The following STXBP5L variants were observed in gnomAD, a reference collection of about 807,000 sequenced individuals.
STXBP5L encodes the protein syntaxin-binding protein 5-like.
STXBP5L carries 65 observed loss-of-function variants against 144.5 expected under a neutral mutation model. That is an observed-to-expected ratio of 0.45 (90% CI 0.37 to 0.55). The LOEUF (loss-of-function observed/expected upper bound fraction) is 0.55. Among genes scored for constraint, STXBP5L ranks in the 20% least tolerant of loss-of-function variants. The probability of loss-of-function intolerance (pLI) is 0.00; values close to 1 mark genes in which losing one functional copy is unlikely to be tolerated. For missense variants in STXBP5L, 1,298 were observed against 1,405.5 expected (o/e 0.92, Z 1.22); for synonymous variants, 505 against 469.6 (o/e 1.08, Z -0.97).
chr3:121,224,489 G>A (rs1451136132), intron 11 of STXBP5L, among the ~76,000 whole-genome samples: 3 of 152,112 alleles, frequency 2.0e-5, no homozygotes, highest in African/African-American at 7.2e-5. Context: ...TACAGATAAA[G>A]TATTAAACTA....
At chr3:121,114,128 A>G (rs1239226600) in intron 5 of STXBP5L, among the ~76,000 whole-genome samples, 2 of 152,166 alleles carry the variant, frequency 1.3e-5, no homozygotes, top group Non-Finnish European at 2.9e-5. Context: ...GATTAGGCCA[A>G]ACTAGAAGGA....
intron 3 of STXBP5L, among the ~76,000 whole-genome samples, chr3:121,019,055 T>C (rs1262635651): frequency 6.6e-6 from 1 of 152,194 alleles, no homozygotes; most frequent in African/African-American, 2.4e-5. Flanking sequence ...AAACTGGCCT[T>C]TCGGCTGCAG....
chr3:121,384,937 A>C (rs892861948), intron 22 of STXBP5L, among the ~76,000 whole-genome samples: 1 of 151,994 alleles, frequency 6.6e-6, no homozygotes, highest in African/African-American at 2.4e-5. Flanking sequence ...TTTCTACTTA[A>C]CTCTTTATGC....
intron 9 of STXBP5L, among the ~76,000 whole-genome samples, chr3:121,161,489 AC>A (rs1213923886): frequency 6.6e-5 from 10 of 151,750 alleles, no homozygotes; most frequent in Admixed American, 6.6e-4. Context: ...CAGCAATTTG[AC>A]TACTTTATGT....
intron 19 of STXBP5L, among the ~76,000 whole-genome samples, chr3:121,310,691 T>C (rs890616995): frequency 6.6e-6 from 1 of 151,540 alleles, no homozygotes; most frequent in Admixed American, 6.6e-5. Context: ...GGTAGACCAC[T>C]GGAGGTCAGG....
chr3:121,372,931 C>T (rs1014124507), intron 20 of STXBP5L, among the ~76,000 whole-genome samples: 2 of 152,142 alleles, frequency 1.3e-5, no homozygotes, highest in Non-Finnish European at 2.9e-5. Flanking sequence ...AAAATTAAAG[C>T]TATTTTTAAA....
At chr3:121,147,606 A>G (rs943860974) in intron 7 of STXBP5L, among the ~76,000 whole-genome samples, 1 of 152,172 alleles carries the variant, frequency 6.6e-6, no homozygotes, top group Non-Finnish European at 1.5e-5. Context: ...GATAACAATA[A>G]AGATATAATG....
chr3:121,419,085 G>C lies in STXBP5L; in HGVS notation c.3477G>C (p.Trp1159Cys). The C allele has an allele frequency of 1.9e-6, 3 of 1,610,220 alleles. No individual in the cohort carries two copies. The highest frequency in any genetic ancestry group is 2.5e-6 in the Non-Finnish European group (3 of 1,178,490). Residue 1159 changes from tryptophan (W) to cysteine (C), a missense_variant, in exon 27 of 27, where the codon TGG becomes TGC. By Grantham distance (215) the Trp-to-Cys change is radical. Transcript: ENST00000471454. ...ELMLKYKDKK[W>C]YQF ...TGCTGAAATACAAGGATAAGAAATG[G>C]TACCAATTCTGACTTCTAAAGAAGC...
intron 3 of STXBP5L, among the ~76,000 whole-genome samples, chr3:121,002,205 C>T (rs1387596112): frequency 6.6e-6 from 1 of 151,854 alleles, no homozygotes; most frequent in Non-Finnish European, 1.5e-5. Context: ...TTCACATTCT[C>T]ATCAACACTT....
At chr3:121,039,859 A>G (rs1347348274) in intron 3 of STXBP5L, among the ~76,000 whole-genome samples, 1 of 151,468 alleles carries the variant, frequency 6.6e-6, no homozygotes, top group Non-Finnish European at 1.5e-5. Context: ...TCTCTGTGTT[A>G]TATTTTGGGT....
At chr3:121,151,819 G>A (rs1309494318) in intron 7 of STXBP5L, among the ~76,000 whole-genome samples, 2 of 143,090 alleles carry the variant, frequency 1.4e-5, no homozygotes, top group Non-Finnish European at 3.2e-5. Flanking sequence ...AACAGCAAAA[G>A]TTATCAGTAT....
At chr3:120,909,504 T>G (rs185192339) in intron 1 of STXBP5L, 67 bp from the exon 2 acceptor site, 1 of 1,375,420 alleles carries the variant, frequency 7.3e-7, no homozygotes, top group Non-Finnish European at 9.9e-7. Flanking sequence ...AGAAAGGCTT[T>G]TACCAAGGTC....
At chr3:120,919,913 CCT>C (rs1709280312) in intron 2 of STXBP5L, among the ~76,000 whole-genome samples, 1 of 151,226 alleles carries the variant, frequency 6.6e-6, no homozygotes, top group South Asian at 2.1e-4. Flanking sequence ...TTTTTTGCTC[CCT>C]GTCTCTTTCT....
chr3:121,110,783 G>A (rs2043946777), intron 5 of STXBP5L, among the ~76,000 whole-genome samples: 1 of 152,136 alleles, frequency 6.6e-6, no homozygotes, highest in Non-Finnish European at 1.5e-5. Context: ...TCTCTTGCTA[G>A]GTTAGGGAAG....
chr3:121,277,507 C>T (rs2050922402), intron 18 of STXBP5L, among the ~76,000 whole-genome samples: 1 of 151,772 alleles, frequency 6.6e-6, no homozygotes, highest in Non-Finnish European at 1.5e-5. Context: ...CTTCCTTTGT[C>T]ACATTTGTAT....
intron 12 of STXBP5L, 62 bp from the exon 13 acceptor site, chr3:121,238,909 C>T (rs2049573066): frequency 7.1e-7 from 1 of 1,413,404 alleles, no homozygotes; most frequent in Non-Finnish European, 9.5e-7. Flanking sequence ...CTTACTTTAT[C>T]AAAATTATTT....
chr3:121,199,547 CT>C (rs2048056504), intron 9 of STXBP5L, among the ~76,000 whole-genome samples: 1 of 152,192 alleles, frequency 6.6e-6, no homozygotes, highest in Non-Finnish European at 1.5e-5. Context: ...AGACCGCATC[CT>C]TGTCTTGTGC....
chr3:121,162,655 T>G (rs1366373707), intron 9 of STXBP5L, among the ~76,000 whole-genome samples: 1 of 152,038 alleles, frequency 6.6e-6, no homozygotes, highest in Non-Finnish European at 1.5e-5. Context: ...GGGAGAAAAT[T>G]TTTGCAATCT....
intron 5 of STXBP5L, among the ~76,000 whole-genome samples, chr3:121,052,839 A>G (rs562698119): frequency 7.2e-4 from 109 of 152,342 alleles, no homozygotes; most frequent in Middle Eastern, 3.4e-3. Context: ...TTGTGTATCT[A>G]GAAAACCCCA....
Sources: gnomAD v4.1 joint callset for allele counts (sites outside exome capture counted in the v4.1 genomes callset) on GRCh38, gnomAD v4.1.1 for gene constraint, MANE v1.5 for transcripts, NCBI Gene and HGNC (gene_info 2026-07-23, HGNC 2026-07-21) for gene names.